Variants in NUP62CL observed in about 807,000 individuals in gnomAD.
NUP62CL encodes nucleoporin 62 C-terminal like.
NUP62CL carries 13 observed loss-of-function variants against 15.3 expected under a neutral mutation model. The observed-to-expected ratio is 0.85, with a 90% confidence interval of 0.55 to 1.35. The LOEUF (loss-of-function observed/expected upper bound fraction) is 1.35. Ranked by LOEUF, NUP62CL falls within the 40% of genes most tolerant of loss-of-function variation. The pLI is 0.00. For synonymous variants in NUP62CL, 54 were observed against 49.2 expected, an observed-to-expected ratio of 1.10 and a Z score of -0.41; for missense variants, 123 against 130.6, an observed-to-expected ratio of 0.94 and a Z score of 0.28.
At chrX:107,133,402 G>A (rs1283996987) in intron 8 of NUP62CL, among the ~76,000 whole-genome samples, 13 of 110,728 alleles carry the variant, frequency 1.2e-4, no homozygotes, top group African/African-American at 3.6e-4. Flanking sequence ...TAGCATGACC[G>A]CGGCTTACTA....
intron 8 of NUP62CL, among the ~76,000 whole-genome samples, chrX:107,133,786 A>G (rs1398032678): frequency 8.9e-6 from 1 of 111,897 alleles, no homozygotes; most frequent in African/African-American, 3.3e-5. Flanking sequence ...AAAAATACAA[A>G]AATTATCCAG....
At chrX:107,189,525 C>T (rs1399569814) in intron 2 of NUP62CL, among the ~76,000 whole-genome samples, 1 of 110,138 alleles carries the variant, frequency 9.1e-6, no homozygotes, top group African/African-American at 3.3e-5. Context: ...CCTGTAATCC[C>T]AGCACTTTGG....
At chrX:107,153,083 T>C in intron 7 of NUP62CL, 89 bp downstream of exon 7, 2 of 881,268 alleles carry the variant, frequency 2.3e-6, no homozygotes, top group Non-Finnish European at 1.5e-6. Flanking sequence ...ATTCCTTGCC[T>C]TCCAATTCGA....
rs3072230 is a variant in NUP62CL at position 107,152,117 on chromosome X, G to GATATATATATATATATTCAGATAT, written c.530+1054_530+1055insATATCTGAATATATATATATATAT. On this transcript the variant is annotated intron_variant, in intron 7 of 8. Coordinates refer to ENST00000372466, the MANE Select transcript of NUP62CL (RefSeq NM_017681.3). ...ATATTCAGATATATATATATATTCA[G>GATATATATATATATATTCAGATAT]ATATATATATATATTCAGATATATA... Among the ~76,000 whole-genome samples, 19 of 34,742 alleles carry GATATATATATATATATTCAGATAT rather than the reference G, an allele frequency of 5.5e-4. 1 individual carries two copies. The highest frequency in any genetic ancestry group is 2.8e-3 in the African/African-American group (18 of 6,378). 30.2% of individuals were successfully genotyped at this position (34,742 alleles called of 115,157 possible).
intron 1 of NUP62CL, among the ~76,000 whole-genome samples, chrX:107,194,608 C>T (rs1422916260): frequency 1.8e-5 from 2 of 110,812 alleles, no homozygotes; most frequent in African/African-American, 6.5e-5. Flanking sequence ...ACTTTATGCA[C>T]CACTAAGAAA....
intron 4 of NUP62CL, among the ~76,000 whole-genome samples, chrX:107,155,809 A>G (rs1926165338): frequency 8.9e-6 from 1 of 112,851 alleles, no homozygotes; most frequent in African/African-American, 3.2e-5. Flanking sequence ...GCTCCGGTCT[A>G]CAGCTCCCAG....
chrX:107,131,919 A>G, intron 8 of NUP62CL: 1 of 1,010,607 alleles, frequency 9.9e-7, no homozygotes, highest in Non-Finnish European at 1.4e-6. Context: ...TAAAATATAA[A>G]TGTCATACAA....
At chrX:107,177,845 G>A (rs1335566172) in intron 2 of NUP62CL, among the ~76,000 whole-genome samples, 1 of 110,963 alleles carries the variant, frequency 9.0e-6, no homozygotes, top group African/African-American at 3.3e-5. Context: ...TTACTCTTAG[G>A]GATACATATA....
chrX:107,138,092 G>A (rs1925682838), intron 8 of NUP62CL, among the ~76,000 whole-genome samples: 1 of 111,272 alleles, frequency 9.0e-6, no homozygotes, highest in Non-Finnish European at 1.9e-5. Context: ...TTCAAAAATG[G>A]TGCTGGAACA....
intron 7 of NUP62CL, among the ~76,000 whole-genome samples, chrX:107,152,764 A>G (rs1249083627): frequency 8.9e-6 from 1 of 112,177 alleles, no homozygotes; most frequent in Admixed American, 9.5e-5. Flanking sequence ...ATGATTTATC[A>G]CTAAAGCAAT....
intron 2 of NUP62CL, among the ~76,000 whole-genome samples, chrX:107,177,000 A>G (rs1275878555): frequency 9.8e-6 from 1 of 102,466 alleles, no homozygotes; most frequent in African/African-American, 3.9e-5. Context: ...AATAAAACAC[A>G]TGTGGATTGA....
chrX:107,124,515 G>A (rs756627328), intron 8 of NUP62CL, among the ~76,000 whole-genome samples, 183 bp from the exon 9 acceptor site: 4 of 111,027 alleles, frequency 3.6e-5, no homozygotes, highest in Non-Finnish European at 7.6e-5. Context: ...TGCAAACAAT[G>A]GACAAGACTT....
chrX:107,142,177 G>A (rs1925786541), intron 8 of NUP62CL, among the ~76,000 whole-genome samples: 1 of 110,780 alleles, frequency 9.0e-6, no homozygotes. Flanking sequence ...TTAACACTGG[G>A]TAAATATAAA....
intron 4 of NUP62CL, among the ~76,000 whole-genome samples, chrX:107,162,567 C>A (rs1926414425): frequency 8.9e-6 from 1 of 111,824 alleles, no homozygotes; most frequent in Non-Finnish European, 1.9e-5. Context: ...AGGCTTCAAG[C>A]ACTGAATGAA....
At chrX:107,139,009 G>C (rs1925707653) in intron 8 of NUP62CL, among the ~76,000 whole-genome samples, 1 of 111,892 alleles carries the variant, frequency 8.9e-6, no homozygotes, top group Non-Finnish European at 1.9e-5. Context: ...GAAACACAAT[G>C]AATCTTTGGA....
chrX:107,185,003 A>T (rs775118880), intron 2 of NUP62CL, among the ~76,000 whole-genome samples: 1 of 110,993 alleles, frequency 9.0e-6, no homozygotes, highest in Non-Finnish European at 1.9e-5. Flanking sequence ...TCCAGAAAAA[A>T]GAGAGGAAAT....
At chrX:107,166,941 A>G (rs1449222383) in intron 4 of NUP62CL, among the ~76,000 whole-genome samples, 2 of 111,557 alleles carry the variant, frequency 1.8e-5, no homozygotes, top group African/African-American at 3.3e-5. Flanking sequence ...GTGGCTATAC[A>G]AGGGTAACAG....
intron 2 of NUP62CL, among the ~76,000 whole-genome samples, chrX:107,177,361 T>C (rs182683184): frequency 1.8e-5 from 2 of 111,664 alleles, no homozygotes; most frequent in African/African-American, 3.2e-5. Flanking sequence ...GATGGTGTGA[T>C]AGACAGAAAA....
chrX:107,172,977 G>C (rs1029033606), intron 3 of NUP62CL, among the ~76,000 whole-genome samples: 1 of 110,962 alleles, frequency 9.0e-6, no homozygotes, highest in Non-Finnish European at 1.9e-5. Flanking sequence ...TTTCCAATGA[G>C]ACCCCCAAGA....
Sources: gnomAD v4.1 joint callset for allele counts (sites outside exome capture counted in the v4.1 genomes callset) on GRCh38, gnomAD v4.1.1 for gene constraint, MANE v1.5 for transcripts, NCBI Gene and HGNC (gene_info 2026-07-23, HGNC 2026-07-21) for gene names.